Variants in PRDM15 observed in about 807,000 individuals in gnomAD.
The protein encoded by PRDM15 is PR/SET domain 15, also known as PR domain zinc finger protein 15.
A neutral mutation model predicts 128.6 loss-of-function variants in PRDM15; 64 were observed. The ratio of observed to expected loss-of-function variants is 0.50; its 90% confidence interval spans 0.41 to 0.61. The LOEUF is 0.61. PRDM15 is among the 20% of genes least tolerant of loss of function. PRDM15 has a pLI of 0.00. For synonymous variants in PRDM15, 615 were observed against 621.8 expected, an observed-to-expected ratio of 0.99 and a Z score of 0.16; for missense variants, 1,242 against 1,569.1, an observed-to-expected ratio of 0.79 and a Z score of 3.52.
Position 41,867,923 on chromosome 21 carries a change from G to C in PRDM15, c.-9-7551C>G, listed in dbSNP as rs551523365. ...AATACAAAAATTAGCCAGGTGTGGTGGTGGGCGCCTGTAATCCCAGCTACT... is the reference window on the plus strand; with the variant it reads ...AATACAAAAATTAGCCAGGTGTGGTCGTGGGCGCCTGTAATCCCAGCTACT... On this transcript the variant is annotated intron_variant, in intron 1 of 23. Coordinates refer to ENST00000398548, the MANE Select transcript of PRDM15 (RefSeq NM_001040424.3). 1.6e-3 allele frequency among the ~76,000 whole-genome samples: 236 copies of C among 152,152 alleles called. 3 individuals carry two copies. Among genetic ancestry groups the C allele is most frequent in the African/African-American group, 5.4e-3 (226 of 41,480 alleles).
At position 41,836,572 on chromosome 21, in the gene PRDM15, T is replaced by C. The variant is rs374353862; in HGVS notation, c.1079A>G (p.Lys360Arg). Residue 360 changes from lysine to arginine, a missense_variant, in exon 9 of 24, where the codon AAG becomes AGG. Around this residue, in one of 3 missense-constraint regions of PRDM15, gnomAD observed 612 missense variants for 717.0 expected, o/e 0.85. Transcript: ENST00000398548. ...ILSSRHGIRRKLIKQLGEHKR... is the reference protein window; with the variant it reads ...ILSSRHGIRRRLIKQLGEHKR... ...GTGCTCCCCGAGCTGTTTGATGAGC[T>C]TGCGCCGGATGCCGTGTCTGCTTGA... is the stretch of plus-strand genomic sequence containing the variant. The C allele has an allele frequency of 3.7e-6, 6 of 1,613,414 alleles. No individual in the cohort carries two copies. Among genetic ancestry groups the C allele is most frequent in the Non-Finnish European group, 5.1e-6 (6 of 1,179,904 alleles).
intron 1 of PRDM15, among the ~76,000 whole-genome samples, chr21:41,868,915 C>T (rs1601478590): frequency 6.6e-6 from 1 of 152,096 alleles, no homozygotes; most frequent in South Asian, 2.1e-4. Context: ...GTCTCGAACT[C>T]CTCACCTCGT....
rs1455359752 is a variant in PRDM15 at position 41,860,339 on chromosome 21, T to G, written c.25A>C (p.Ile9Leu). 6.2e-7 allele frequency: 1 copy of G among 1,614,016 alleles called. No homozygotes were observed. The highest frequency in any genetic ancestry group is 1.1e-5 in the South Asian group (1 of 91,074). Residue 9 changes from isoleucine (I) to leucine (L), a missense_variant, in exon 2 of 24, where the codon ATC (isoleucine) becomes CTC (leucine). By Grantham distance (5) the Ile-to-Leu change is conservative. Transcript: ENST00000398548. MAEDGSEE[I>L]MFIWCEDCSQ... ...CTGGGTCACTTACAGATGAACATGA[T>G]CTCTTCGCTCCCATCTTCAGCCATC...
intron 13 of PRDM15, among the ~76,000 whole-genome samples, 162 bp downstream of exon 13, chr21:41,825,798 A>G (rs1407722985): frequency 6.6e-6 from 1 of 152,198 alleles, no homozygotes; most frequent in East Asian, 1.9e-4. Context: ...TCCAAATGGC[A>G]AGTGTTTAAA....
chr21:41,819,938 G>C (rs2062192889), intron 17 of PRDM15, among the ~76,000 whole-genome samples, 157 bp downstream of exon 17: 1 of 152,164 alleles, frequency 6.6e-6, no homozygotes, highest in Non-Finnish European at 1.5e-5. Flanking sequence ...TGAGTGGCAG[G>C]GCTGATAAGG....
Position 41,829,239 on chromosome 21 carries a change from A to G in PRDM15, c.1367-906T>C, listed in dbSNP as rs886605354. Among the ~76,000 whole-genome samples, 9 of 149,170 alleles carry G rather than the reference A, an allele frequency of 6.0e-5. No individual in the cohort carries two copies. In the South Asian group the frequency reaches 1.1e-3, roughly 18 times the overall value. Reference sequence around the variant, plus strand: ...ACACACACCATCACACACTATGCAAATACATACACACCCAACACACATCAC... The same window carrying G: ...ACACACACCATCACACACTATGCAAGTACATACACACCCAACACACATCAC... On this transcript the variant is annotated intron_variant, in intron 11 of 23. Transcript: ENST00000398548.
intron 1 of PRDM15, chr21:41,867,527 T>A: frequency 1.8e-6 from 1 of 557,196 alleles, no homozygotes; most frequent in South Asian, 2.5e-5. Flanking sequence ...CACTACAGCC[T>A]CAAACTCCTG....
Position 41,859,257 on chromosome 21 carries a change from G to A in PRDM15, c.131+335C>T, listed in dbSNP as rs1226074454. 1 of 1,606,108 alleles carries A rather than the reference G, an allele frequency of 6.2e-7. No homozygotes were observed. The highest frequency in any genetic ancestry group is 1.7e-5 in the Admixed American group (1 of 59,724). On this transcript the variant is annotated intron_variant, in intron 3 of 23. Transcript: ENST00000398548. The surrounding 1 kb of genome is among the most constrained non-coding windows in gnomAD (Gnocchi z 5.3). ...GAATGCAGAGAGAAGCCAACGAGCA[G>A]ACCTCCAGCTTGGCTGCTGGTGCTC...
intron 11 of PRDM15, chr21:41,834,417 G>A (rs1354682771): frequency 1.4e-5 from 17 of 1,210,682 alleles, no homozygotes; most frequent in Admixed American, 1.4e-4. Context: ...ACACAGGGGC[G>A]GGTGGCACCT....
chr21:41,810,484 A>G lies in PRDM15; in HGVS notation c.2477-155T>C, dbSNP rs1396801874. ...AGGGCCGGTGCTGGTCCCCGAGCAC[A>G]CATGAGCACAGAGCCTCTGTCCCTT... is the stretch of plus-strand genomic sequence containing the variant. On this transcript the variant is annotated intron_variant, in intron 20 of 23. Coordinates refer to ENST00000398548, the MANE Select transcript of PRDM15 (RefSeq NM_001040424.3). This position sits in a 1 kb window ranked among gnomAD's most constrained non-coding sequence, Gnocchi z 6.4. 2.5e-6 allele frequency: 2 copies of G among 786,798 alleles called. No individual in the cohort carries two copies. The highest frequency in any genetic ancestry group is 4.0e-6 in the Non-Finnish European group (2 of 494,762). 48.7% of individuals were successfully genotyped at this position (786,798 alleles called of 1,614,324 possible). A position where few individuals can be genotyped will look rare whatever the true frequency, so the allele number is the denominator to read the frequency against.
At chr21:41,861,676 TC>T in intron 1 of PRDM15, 1 of 1,614,102 alleles carries the variant, frequency 6.2e-7, no homozygotes, top group South Asian at 1.1e-5. Flanking sequence ...ACCCCGCTCA[TC>T]CCCAGCAGCT....
rs117308130 is a variant in PRDM15 at position 41,832,274 on chromosome 21, C to A, written c.1366+3163G>T. ...TAGGAATGGGACCACTAGAGCCAAG[C>A]GCTTTGTGAAAGGCCACACCTTACA... On this transcript the variant is annotated intron_variant, in intron 11 of 23. Coordinates refer to ENST00000398548, the MANE Select transcript of PRDM15 (RefSeq NM_001040424.3). The surrounding 1 kb of genome is among the most constrained non-coding windows in gnomAD (Gnocchi z 4.2). 6.6e-6 allele frequency among the ~76,000 whole-genome samples: 1 copy of A among 152,164 alleles called. No individual in the cohort carries two copies. The highest frequency in any genetic ancestry group is 6.5e-5 in the Admixed American group (1 of 15,280).
chr21:41,810,780 T>C lies in PRDM15; in HGVS notation c.2449A>G (p.Met817Val), dbSNP rs2061839587. 1 of 1,614,160 alleles carries C rather than the reference T, an allele frequency of 6.2e-7. No individual in the cohort carries two copies. The highest frequency in any genetic ancestry group is 8.5e-7 in the Non-Finnish European group (1 of 1,180,026). Residue 817 changes from methionine (M) to valine (V), a missense_variant, in exon 20 of 24, where the codon ATG becomes GTG. Coordinates refer to ENST00000398548, the MANE Select transcript of PRDM15 (RefSeq NM_001040424.3). The surrounding 1 kb of genome is among the most constrained non-coding windows in gnomAD (Gnocchi z 6.4). Reference sequence around the variant, plus strand: ...GTGTGGATGAGCTTGTGGGTCTCCATGGTGTTCCTCTCGCTGAATGTCTTC... The same window carrying C: ...GTGTGGATGAGCTTGTGGGTCTCCACGGTGTTCCTCTCGCTGAATGTCTTC... Reference protein sequence around the residue: ...CGKTFSERNTMETHKLIHTVG... With the variant: ...CGKTFSERNTVETHKLIHTVG...
Position 41,819,635 on chromosome 21 carries a change from T to C in PRDM15, c.2207A>G (p.His736Arg). Residue 736 changes from histidine to arginine, a missense_variant, in exon 18 of 24, where the codon CAC (histidine) becomes CGC (arginine). By Grantham distance (29) the His-to-Arg change is conservative. Coordinates refer to ENST00000398548, the MANE Select transcript of PRDM15 (RefSeq NM_001040424.3). ...GCGGACATTGTCGTGCACACGCATGTGCTCCTTCAGCATGTCCTTCCTGGC... is the reference window on the plus strand; with the variant it reads ...GCGGACATTGTCGTGCACACGCATGCGCTCCTTCAGCATGTCCTTCCTGGC... ...SFARKDMLKE[H>R]MRVHDNVREY... is the part of the protein sequence containing the mutation. 3 of 1,611,862 alleles carry C rather than the reference T, an allele frequency of 1.9e-6. No individual in the cohort carries two copies. Among genetic ancestry groups the C allele is most frequent in the Non-Finnish European group, 2.5e-6 (3 of 1,179,502 alleles).
At chr21:41,830,229 A>G (rs975123505) in intron 11 of PRDM15, among the ~76,000 whole-genome samples, 1,834 of 150,670 alleles carry the variant, frequency 0.012, 46 homozygotes, top group African/African-American at 0.042. Context: ...CAATCACACC[A>G]CACACTCAAN....
intron 3 of PRDM15, among the ~76,000 whole-genome samples, chr21:41,857,678 T>C (rs79091252): frequency 0.061 from 9,240 of 152,250 alleles, 362 homozygotes; most frequent in African/African-American, 0.11. Flanking sequence ...GTAGGATGGC[T>C]GAACCCGGGA....
rs936708517 is a variant in PRDM15, at chr21:41,834,577, G to T, written c.1366+860C>A. 5.2e-6 allele frequency: 8 copies of T among 1,547,246 alleles called. No individual in the cohort carries two copies. The South Asian group carries it at 6.0e-5, about 12-fold the overall frequency. ...TGTGCTATGAGTCCTAGAGAGAGGG[G>T]GACACAAAGGCAACAGTGACTCACC... On this transcript the variant is annotated intron_variant, in intron 11 of 23. Transcript: ENST00000398548.
intron 4 of PRDM15, among the ~76,000 whole-genome samples, chr21:41,856,838 G>T (rs951805966): frequency 1.3e-5 from 2 of 152,186 alleles, no homozygotes. Context: ...AATAACTAGA[G>T]CGATGGGCCC....
At chr21:41,870,465 A>G (rs968406259) in intron 1 of PRDM15, among the ~76,000 whole-genome samples, 7 of 152,184 alleles carry the variant, frequency 4.6e-5, no homozygotes, top group Admixed American at 3.9e-4. Context: ...AAAAGCACTC[A>G]GGGAAAACCC....
Sources: gnomAD v4.1 joint callset for allele counts (sites outside exome capture counted in the v4.1 genomes callset) on GRCh38, gnomAD v4.1.1 for gene constraint, gnomAD v4.1.1 regional missense constraint, Gnocchi (gnomAD v3.1) non-coding constraint, MANE v1.5 for transcripts, NCBI Gene and HGNC (gene_info 2026-07-23, HGNC 2026-07-21) for gene names.